RTL9: variants seen among roughly 807,000 people sequenced by gnomAD.
RTL9 encodes retrotransposon Gag like 9.
RTL9 carries 19 observed loss-of-function variants against 44.7 expected under a neutral mutation model. The ratio of observed to expected loss-of-function variants is 0.42; its 90% confidence interval spans 0.30 to 0.62. The LOEUF is 0.62. Ranked by LOEUF, RTL9 falls within the 20% of genes least tolerant of loss-of-function variation. RTL9 has a pLI of 0.16. For missense variants in RTL9, 1,105 were observed against 1,080.6 expected (o/e 1.02, Z -0.32); for synonymous variants, 407 against 398.9 (o/e 1.02, Z -0.24).
chrX:110,405,058 C>T (rs986157932), intron 1 of RTL9, among the ~76,000 whole-genome samples: 7 of 102,938 alleles, frequency 6.8e-5, no homozygotes, highest in Non-Finnish European at 1.4e-4. Context: ...CAGTTAAATT[C>T]GAAAAATATA....
At chrX:110,406,449 T>G (rs891814852) in intron 1 of RTL9, among the ~76,000 whole-genome samples, 15 of 112,253 alleles carry the variant, frequency 1.3e-4, no homozygotes, top group African/African-American at 4.9e-4. Flanking sequence ...TTCTTTTTTA[T>G]GGCTGCATAA....
chrX:110,379,305 G>C (rs915490895), intron 1 of RTL9, among the ~76,000 whole-genome samples: 1 of 112,044 alleles, frequency 8.9e-6, no homozygotes, highest in Non-Finnish European at 1.9e-5. Flanking sequence ...AAGAGGGACA[G>C]AGAAAAATGA....
intron 1 of RTL9, among the ~76,000 whole-genome samples, chrX:110,384,785 A>C (rs1050536596): frequency 1.8e-5 from 2 of 111,089 alleles, no homozygotes; most frequent in Non-Finnish European, 3.8e-5. Flanking sequence ...CATTGGACAT[A>C]GTATCTTTCA....
upstream of RTL9, among the ~76,000 whole-genome samples, chrX:110,450,353 G>A (rs1016422070): frequency 9.0e-6 from 1 of 111,596 alleles, no homozygotes; most frequent in African/African-American, 3.3e-5. Context: ...AAACTGAGAG[G>A]CTGGGTTGGT....
chrX:110,400,458 T>G (rs989603950), intron 1 of RTL9, among the ~76,000 whole-genome samples: 1 of 110,197 alleles, frequency 9.1e-6, no homozygotes, highest in African/African-American at 3.3e-5. Flanking sequence ...GAATAGCATC[T>G]TTTCTCTGCT....
chrX:110,402,301 T>A (rs747779992), intron 1 of RTL9, among the ~76,000 whole-genome samples: 2 of 113,240 alleles, frequency 1.8e-5, no homozygotes, highest in Admixed American at 9.3e-5. Flanking sequence ...CTATGAGTGA[T>A]GCCAGAAACC....
intron 1 of RTL9, among the ~76,000 whole-genome samples, chrX:110,423,360 GGAAGGA>G (rs1036335078): frequency 9.1e-6 from 1 of 110,125 alleles, no homozygotes; most frequent in Non-Finnish European, 1.9e-5. Flanking sequence ...AAAAGAAAGA[GGAAGGA>G]GAAGGAGAAG....
chrX:110,452,504 G>A (rs1231200854), exon 1 of RTL9: 7 of 1,211,438 alleles, frequency 5.8e-6, no homozygotes, highest in Middle Eastern at 4.6e-4. Context: ...CGATGTTCAC[G>A]GAGAAAATGA....
chrX:110,434,826 C>T (rs1014497824), intron 1 of RTL9, among the ~76,000 whole-genome samples: 3 of 110,336 alleles, frequency 2.7e-5, no homozygotes, highest in African/African-American at 9.9e-5. Flanking sequence ...TGGGGTTTCT[C>T]CTCTCCCATT....
chrX:110,429,538 T>C (rs1365694898), intron 1 of RTL9, among the ~76,000 whole-genome samples: 3 of 107,532 alleles, frequency 2.8e-5, no homozygotes, highest in Non-Finnish European at 5.8e-5. Flanking sequence ...TGGAGTACAG[T>C]GGCATGCAAT....
At chrX:110,393,757 G>A (rs965299413) in intron 1 of RTL9, among the ~76,000 whole-genome samples, 1 of 112,316 alleles carries the variant, frequency 8.9e-6, no homozygotes, top group Admixed American at 9.4e-5. Flanking sequence ...GTTTTCCCCA[G>A]GGCCACTGTC....
chrX:110,443,726 A>G (rs1004917324), intron 1 of RTL9, among the ~76,000 whole-genome samples: 2 of 112,553 alleles, frequency 1.8e-5, no homozygotes, highest in Non-Finnish European at 3.7e-5. Flanking sequence ...CAAAGCTAGC[A>G]TATGTTCACT....
chrX:110,427,390 GTTAGAGTACGTACTCA>G (rs2068761936), intron 1 of RTL9, among the ~76,000 whole-genome samples: 1 of 111,861 alleles, frequency 8.9e-6, no homozygotes, highest in African/African-American at 3.3e-5. Context: ...ACTTCTTAAA[GTTAGAGTACGTACTCA>G]TTAGAGTACC....
intron 1 of RTL9, among the ~76,000 whole-genome samples, chrX:110,436,996 C>A (rs2068843336): frequency 8.9e-6 from 1 of 112,196 alleles, no homozygotes; most frequent in South Asian, 3.7e-4. Flanking sequence ...GAAGTGATTC[C>A]ATTTCGCCTC....
At chrX:110,420,298 C>A (rs1448162086) in intron 1 of RTL9, among the ~76,000 whole-genome samples, 2 of 112,203 alleles carry the variant, frequency 1.8e-5, no homozygotes. Context: ...AGAGCTTGTT[C>A]TGGAATAGCT....
chrX:110,379,747 G>T (rs1391918264), intron 1 of RTL9, among the ~76,000 whole-genome samples: 1 of 111,894 alleles, frequency 8.9e-6, no homozygotes, highest in Admixed American at 9.5e-5. Flanking sequence ...CATTTAGACA[G>T]ACTTCCCAAT....
At chrX:110,388,972 A>G (rs1304972571) in intron 1 of RTL9, among the ~76,000 whole-genome samples, 2 of 112,433 alleles carry the variant, frequency 1.8e-5, no homozygotes, top group Non-Finnish European at 3.8e-5. Context: ...GCAGTGTCCA[A>G]AGAATAAGTA....
At chrX:110,385,648 T>G (rs1353207158) in intron 1 of RTL9, among the ~76,000 whole-genome samples, 1 of 111,867 alleles carries the variant, frequency 8.9e-6, no homozygotes, top group African/African-American at 3.2e-5. Flanking sequence ...TTCTCTCCCT[T>G]AGCATAACTG....
exon 2 of RTL9, chrX:110,455,963 A>G (rs1361835970): frequency 8.9e-6 from 1 of 112,755 alleles, no homozygotes; most frequent in East Asian, 2.8e-4. Flanking sequence ...ATCTCACTAC[A>G]TTCTTACAGT....
Sources: allele counts gnomAD v4.1 joint callset (sites outside exome capture counted in the v4.1 genomes callset), GRCh38; gene constraint gnomAD v4.1.1; transcripts MANE v1.5; gene names NCBI Gene and HGNC (gene_info 2026-07-23, HGNC 2026-07-21).